The following EXOSC10 variants were observed in gnomAD, a reference collection of about 807,000 sequenced individuals.
EXOSC10 encodes the protein exosome component 10, also known as exosome complex component 10.
Under a neutral mutation model 126.6 loss-of-function variants are expected in EXOSC10, and 94 were observed. The observed-to-expected ratio is 0.74, with a 90% confidence interval of 0.63 to 0.88. The LOEUF is 0.88. Ranked by LOEUF, EXOSC10 falls within the 40% of genes least tolerant of loss-of-function variation. The probability of loss-of-function intolerance (pLI) is 0.00; values close to 1 mark genes in which losing one functional copy is unlikely to be tolerated. For synonymous variants in EXOSC10, 395 were observed against 400.8 expected (o/e 0.99, Z 0.17); for missense variants, 1,041 against 1,100.5 (o/e 0.95, Z 0.77).
chr1:11,085,965 T>C lies in EXOSC10; in HGVS notation c.1089+1483A>G, dbSNP rs565731073. On this transcript the variant is annotated intron_variant, in intron 9 of 24. Coordinates refer to ENST00000376936, the MANE Select transcript of EXOSC10 (RefSeq NM_001001998.3). The stretch of plus-strand genomic sequence containing the variant: ...TTGAACCAGCCTTGCATCCCAGGGA[T>C]GAAGCCCACTTGATCATGGTGGATA... Among the ~76,000 whole-genome samples, 1,440 of 152,178 alleles carry C rather than the reference T, an allele frequency of 9.5e-3. 11 individuals are homozygous for C. The highest frequency in any genetic ancestry group is 0.013 in the Non-Finnish European group (872 of 68,014).
At chr1:11,075,600 T>C (rs2100964840) in intron 17 of EXOSC10, among the ~76,000 whole-genome samples, 1 of 152,260 alleles carries the variant, frequency 6.6e-6, no homozygotes, top group South Asian at 2.1e-4. Flanking sequence ...TTCTCATTAA[T>C]TGCTAAAGCA....
intron 21 of EXOSC10, chr1:11,070,690 A>T (rs1639428946): frequency 1.8e-6 from 1 of 552,934 alleles, no homozygotes; most frequent in Middle Eastern, 4.4e-4. Flanking sequence ...CCATAAACAC[A>T]GTGGAAGAAG....
intron 14 of EXOSC10, among the ~76,000 whole-genome samples, chr1:11,078,541 G>A (rs942269410): frequency 8.6e-5 from 13 of 151,950 alleles, no homozygotes; most frequent in Admixed American, 2.0e-4. Context: ...ACAGGCGTGA[G>A]CCACCGCGCC....
chr1:11,068,431 A>AT (rs1639242986), intron 23 of EXOSC10: 2 of 606,696 alleles, frequency 3.3e-6, no homozygotes, highest in Non-Finnish European at 5.8e-6. Flanking sequence ...CAAACACAGA[A>AT]TAATACCCTT....
In EXOSC10 at chr1:11,087,533, G is replaced by A. The variant is rs781180725; in HGVS notation, c.1004C>T (p.Thr335Met). 3.6e-5 allele frequency: 58 copies of A among 1,613,964 alleles called. No individual in the cohort carries two copies. The highest frequency in any genetic ancestry group is 8.9e-5 in the East Asian group (4 of 44,898). ...GAGGGTGTCAATGATGAAGTCTTCCGTCCGAGTAGAAATTTGCATCAGGCA... is the reference window on the plus strand; with the variant it reads ...GAGGGTGTCAATGATGAAGTCTTCCATCCGAGTAGAAATTTGCATCAGGCA... ...LTCLMQISTR[T>M]EDFIIDTLEL... Residue 335 changes from threonine to methionine, a missense_variant, in exon 9 of 25, where the codon ACG (threonine) becomes ATG (methionine). Physicochemically the swap from Thr to Met is moderately conservative, Grantham distance 81 (BLOSUM62 -1). Transcript: ENST00000376936.
In EXOSC10 at chr1:11,087,491, A is replaced by G. The variant is rs763864212; in HGVS notation, c.1046T>C (p.Met349Thr). ...IIDTLELRSD[M>T]YILNESLTDP... ...TGTGAGGCTCTCATTGAGAATGTAC[A>G]TGTCACTTCGAAGCTCGAGGGTGTC... Residue 349 changes from methionine (M) to threonine (T), a missense_variant, in exon 9 of 25, where the codon ATG becomes ACG. Met to Thr is a moderately conservative substitution (Grantham distance 81). Transcript: ENST00000376936. The G allele has an allele frequency of 5.5e-5, 88 of 1,614,006 alleles. No individual in the cohort carries two copies. Among genetic ancestry groups the G allele is most frequent in the Non-Finnish European group, 6.9e-5 (81 of 1,180,030 alleles).
rs781207362 is a variant in EXOSC10, at chr1:11,091,588, G to A, written c.382C>T (p.Leu128=). ...DVILERVGIL[L]DEASGVNKNQ... The stretch of plus-strand genomic sequence containing the variant: ...TTGTTTACACCTGAGGCTTCATCCA[G>A]TAAAATACCCTAAGAGTAGAAGAGG... Residue 128 remains leucine, a synonymous_variant, in exon 4 of 25, where the codon CTG becomes TTG. Coordinates refer to ENST00000376936, the MANE Select transcript of EXOSC10 (RefSeq NM_001001998.3). 2.5e-6 allele frequency: 4 copies of A among 1,613,820 alleles called. No individual in the cohort carries two copies. Among genetic ancestry groups the A allele is most frequent in the Admixed American group, 1.7e-5 (1 of 59,998 alleles).
intron 1 of EXOSC10, among the ~76,000 whole-genome samples, chr1:11,099,148 C>T (rs191197332): frequency 5.8e-4 from 89 of 152,326 alleles, no homozygotes; most frequent in Non-Finnish European, 2.6e-4. Flanking sequence ...CACCTTAAGC[C>T]TAGTTGTACG....
chr1:11,093,884 G>C (rs903907858), intron 3 of EXOSC10, among the ~76,000 whole-genome samples: 4 of 152,054 alleles, frequency 2.6e-5, no homozygotes, highest in African/African-American at 9.7e-5. Context: ...TTCAAGACCA[G>C]CCTGGGCAAC....
chr1:11,080,058 C>A (rs893400447), intron 13 of EXOSC10, among the ~76,000 whole-genome samples: 1 of 152,226 alleles, frequency 6.6e-6, no homozygotes, highest in Non-Finnish European at 1.5e-5. Context: ...TCAGGGAGAG[C>A]TGAAAGTAAG....
intron 6 of EXOSC10, among the ~76,000 whole-genome samples, chr1:11,090,335 C>A (rs746444087): frequency 2.0e-5 from 3 of 152,192 alleles, no homozygotes; most frequent in Non-Finnish European, 4.4e-5. Context: ...ATAAGAGCAA[C>A]TGCTACTTCT....
Position 11,098,074 on chromosome 1 carries a change from C to G in EXOSC10, c.194G>C (p.Ser65Thr). ...GCAAAATGCTTGGAAGCCAGGAAAA[C>G]TTCGGTAAAAATCATACTCATCGCC... ...QFGDEYDFYR[S>T]FPGFQAFCET... The change falls in exon 2 of 25, where the codon AGT becomes ACT. Residue 65 changes from serine to threonine, a missense_variant. This residue lies in a region of EXOSC10 where 645 missense variants were observed against 656.3 expected (regional missense o/e 0.98). Transcript: ENST00000376936. 6.2e-7 allele frequency: 1 copy of G among 1,611,878 alleles called. No individual in the cohort carries two copies. Among genetic ancestry groups the G allele is most frequent in the Non-Finnish European group, 8.5e-7 (1 of 1,179,318 alleles).
Position 11,075,853 on chromosome 1 carries a change from C to CAAAAAA in EXOSC10, c.1986+983_1986+988dup, listed in dbSNP as rs58667041. 4.8e-4 allele frequency among the ~76,000 whole-genome samples: 17 copies of CAAAAAA among 35,136 alleles called. 3 individuals carry two copies. The highest frequency in any genetic ancestry group is 1.4e-3 in the African/African-American group (11 of 7,664). 23.1% of individuals were successfully genotyped at this position (35,136 alleles called of 152,430 possible). A position where few individuals can be genotyped will look rare whatever the true frequency, so the allele number is the denominator to read the frequency against. On this transcript the variant is annotated intron_variant, in intron 17 of 24. Coordinates refer to ENST00000376936, the MANE Select transcript of EXOSC10 (RefSeq NM_001001998.3). ...TGGGTGACAGGATGAGATCCTGTCA[C>CAAAAAA]AAAAAAAAAAAAAAAAAAAAAAAAA...
At chr1:11,077,703 C>T in intron 14 of EXOSC10, 52 bp from the exon 15 acceptor site, 1 of 1,539,348 alleles carries the variant, frequency 6.5e-7, no homozygotes, top group South Asian at 1.2e-5. Context: ...CACCTCAAGT[C>T]CAACCCCCAG....
intron 2 of EXOSC10, among the ~76,000 whole-genome samples, chr1:11,096,471 CTTT>C (rs70977546): frequency 1.6e-4 from 19 of 118,800 alleles, no homozygotes; most frequent in Admixed American, 2.7e-4. Context: ...TTCTTTCTTT[CTTT>C]TTTTTTTTTT....
At chr1:11,086,588 A>T (rs1385299620) in intron 9 of EXOSC10, among the ~76,000 whole-genome samples, 3 of 152,192 alleles carry the variant, frequency 2.0e-5, no homozygotes, top group African/African-American at 7.2e-5. Context: ...TCCTCAGCAG[A>T]TGTAAAATAA....
At chr1:11,086,999 A>G (rs1007627726) in intron 9 of EXOSC10, among the ~76,000 whole-genome samples, 7 of 152,196 alleles carry the variant, frequency 4.6e-5, no homozygotes, top group African/African-American at 1.7e-4. Context: ...TAGAGACACA[A>G]AAAACCCTTC....
At chr1:11,083,562 CAAAAAAAAAAAAAAA>C (rs35412224) in intron 9 of EXOSC10, among the ~76,000 whole-genome samples, 5 of 65,898 alleles carry the variant, frequency 7.6e-5, no homozygotes, top group Non-Finnish European at 1.1e-4. Flanking sequence ...AACTCCGTCT[CAAAAAAAAAAAAAAA>C]AAAAAAAATT....
chr1:11,071,263 T>C (rs1011043357), intron 20 of EXOSC10: 14 of 406,128 alleles, frequency 3.4e-5, no homozygotes, highest in Non-Finnish European at 4.8e-5. Context: ...TTTAACAGGA[T>C]CGTCACCATC....
Sources: allele counts gnomAD v4.1 joint callset (sites outside exome capture counted in the v4.1 genomes callset), GRCh38; gene constraint gnomAD v4.1.1; regional missense constraint gnomAD v4.1.1; transcripts MANE v1.5; gene names NCBI Gene and HGNC (gene_info 2026-07-23, HGNC 2026-07-21).